The following EDRF1 variants were observed in gnomAD, a reference collection of about 807,000 sequenced individuals.
EDRF1 encodes the protein erythroid differentiation-related factor 1.
A neutral mutation model predicts 148.7 loss-of-function variants in EDRF1; 69 were observed. That is an observed-to-expected ratio of 0.46 (90% CI 0.38 to 0.57). The LOEUF is 0.57. Among genes scored for constraint, EDRF1 ranks in the 20% least tolerant of loss-of-function variants. The pLI, the probability that EDRF1 is intolerant of heterozygous loss-of-function variation, is 0.00. For synonymous variants in EDRF1, 515 were observed against 532.8 expected, an observed-to-expected ratio of 0.97 and a Z score of 0.46; for missense variants, 1,118 against 1,478.7, an observed-to-expected ratio of 0.76 and a Z score of 4.00.
At position 125,745,872 on chromosome 10, in the gene EDRF1, G is replaced by T. The variant is rs558753163; in HGVS notation, c.2756G>T (p.Gly919Val). 11 of 1,614,242 alleles carry T rather than the reference G, an allele frequency of 6.8e-6. No homozygotes were observed. The South Asian group carries it at 1.2e-4, about 18-fold the overall frequency. The change falls in exon 19 of 25, where the codon GGT becomes GTT. Residue 919 changes from glycine to valine, a missense_variant. Around this residue, in one of 3 missense-constraint regions of EDRF1, gnomAD observed 954 missense variants for 1,241.4 expected, o/e 0.77. Transcript: ENST00000356792. ...CGGATTTGTGCGCAGGCCCACTGTG[G>T]TGCAGGGGATGAACTGAAACGTGAA... Reference protein sequence around the residue: ...LMRICAQAHCGAGDELKREFS... With the variant: ...LMRICAQAHCVAGDELKREFS...
chr10:125,763,316 T>A lies in EDRF1; in HGVS notation c.3561T>A (p.Asp1187Glu). ...TKKKTSNNIEDDTILKTNKHI... is the reference protein window; with the variant it reads ...TKKKTSNNIEEDTILKTNKHI... ...TTAACCCTAGCAATAACATCGAAGA[T>A]GACACAATTCTCAAAACCAACAAGC... The change falls in exon 25 of 25, where the codon GAT (aspartate) becomes GAA (glutamate). Residue 1187 changes from aspartate (D) to glutamate (E), a missense_variant. Transcript: ENST00000356792. The surrounding 1 kb of genome is among the most constrained non-coding windows in gnomAD (Gnocchi z 4.3). 6.2e-7 allele frequency: 1 copy of A among 1,613,208 alleles called. No individual in the cohort carries two copies. The highest frequency in any genetic ancestry group is 1.1e-5 in the South Asian group (1 of 91,080).
At chr10:125,742,742 T>C (rs1849096707) in intron 17 of EDRF1, 1 of 985,058 alleles carries the variant, frequency 1.0e-6, no homozygotes, top group African/African-American at 1.7e-5. Flanking sequence ...ATAGCAACTT[T>C]ACTTTGTATT....
At chr10:125,728,320 T>C (rs1411490069) in intron 6 of EDRF1, among the ~76,000 whole-genome samples, 2 of 152,208 alleles carry the variant, frequency 1.3e-5, no homozygotes, top group Non-Finnish European at 2.9e-5. Flanking sequence ...TTACTTATTA[T>C]ATATTTATTG....
chr10:125,743,332 A>G, intron 18 of EDRF1, 56 bp downstream of exon 18: 1 of 1,468,376 alleles, frequency 6.8e-7, no homozygotes, highest in East Asian at 2.3e-5. Context: ...AATTATGCTA[A>G]TTTTGTATGA....
chr10:125,719,843 G>T lies in EDRF1; in HGVS notation c.36G>T (p.Pro12=). 6.2e-7 allele frequency: 1 copy of T among 1,612,002 alleles called. No individual in the cohort carries two copies. Among genetic ancestry groups the T allele is most frequent in the Non-Finnish European group, 8.5e-7 (1 of 1,179,498 alleles). The change falls in exon 1 of 25, where the codon CCG becomes CCT. Residue 12 remains proline (P), a synonymous_variant. Transcript: ENST00000356792. ...CCAAGGAGGCCGGAGCCGAGGGTCCGCCGGCCGGGGCCGCCGCTCGAGGAG... is the reference window on the plus strand; with the variant it reads ...CCAAGGAGGCCGGAGCCGAGGGTCCTCCGGCCGGGGCCGCCGCTCGAGGAG... ...GDAKEAGAEG[P]PAGAAARGGL...
intron 5 of EDRF1, 96 bp from the exon 6 acceptor site, chr10:125,725,586 T>C: frequency 6.4e-7 from 1 of 1,571,514 alleles, no homozygotes; most frequent in Non-Finnish European, 8.7e-7. Context: ...ACAAGATGTA[T>C]GCTTAATTAC....
Position 125,741,169 on chromosome 10 carries a change from T to A in EDRF1, c.2339T>A (p.Leu780Gln). ...CAAACAAAAGAAGACCAGGAGATCC[T>A]GCATAGCCTTCACAGAGAGTCCAGT... is the stretch of plus-strand genomic sequence containing the variant. Reference protein sequence around the residue: ...HYQTKEDQEILHSLHRESSCQ... With the variant: ...HYQTKEDQEIQHSLHRESSCQ... Residue 780 changes from leucine to glutamine, a missense_variant, in exon 17 of 25, where the codon CTG becomes CAG. By Grantham distance (113) the Leu-to-Gln change is moderately radical. This residue lies in a region of EDRF1 where 954 missense variants were observed against 1,241.4 expected (regional missense o/e 0.77). Transcript: ENST00000356792. The A allele has an allele frequency of 1.2e-6, 2 of 1,614,222 alleles. No homozygotes were observed. Among genetic ancestry groups the A allele is most frequent in the Non-Finnish European group, 8.5e-7 (1 of 1,180,028 alleles).
intron 15 of EDRF1, 33 bp from the exon 16 acceptor site, chr10:125,740,430 T>A: frequency 6.2e-7 from 1 of 1,607,904 alleles, no homozygotes. Flanking sequence ...TCAAATGAAA[T>A]GTGCTGTCTT....
intron 1 of EDRF1, among the ~76,000 whole-genome samples, chr10:125,720,672 G>A (rs1477054554): frequency 6.6e-6 from 1 of 151,996 alleles, no homozygotes; most frequent in Admixed American, 6.6e-5. Context: ...TTAGCCGGAC[G>A]TGGTAGTGCA....
chr10:125,738,065 T>C, intron 14 of EDRF1, 76 bp downstream of exon 14: 4 of 1,463,510 alleles, frequency 2.7e-6, no homozygotes, highest in Non-Finnish European at 3.8e-6. Context: ...TTTGTTGGTA[T>C]CTAAATGTTA....
rs1490387108 is a variant in EDRF1 at position 125,736,123 on chromosome 10, GTGTC to G, written c.1758+225_1758+228del. 3.3e-5 allele frequency among the ~76,000 whole-genome samples: 5 copies of G among 152,116 alleles called. No homozygotes were observed. In the East Asian group the frequency reaches 7.7e-4, roughly 23 times the overall value. Reference sequence around the variant, plus strand: ...TATAGTGGACAGGTGTGTAAACCAGGTGTCTGTCTATTCTTATGTGAAGGATTTT... The same window carrying G: ...TATAGTGGACAGGTGTGTAAACCAGGTGTCTATTCTTATGTGAAGGATTTT... On this transcript the variant is annotated intron_variant, in intron 13 of 24. Coordinates refer to ENST00000356792, the MANE Select transcript of EDRF1 (RefSeq NM_001202438.2).
chr10:125,758,420 A>G (rs527639978), intron 24 of EDRF1, among the ~76,000 whole-genome samples: 1 of 152,082 alleles, frequency 6.6e-6, no homozygotes, highest in East Asian at 1.9e-4. Flanking sequence ...AAAACTGGAC[A>G]CCTTATGTAT....
intron 7 of EDRF1, 107 bp downstream of exon 7, chr10:125,729,211 A>C (rs1848392621): frequency 1.4e-6 from 2 of 1,449,212 alleles, no homozygotes; most frequent in Admixed American, 4.0e-5. Context: ...CTTGATCCTG[A>C]AACTGCTTTC....
chr10:125,742,221 C>G, intron 17 of EDRF1: 2 of 1,289,294 alleles, frequency 1.6e-6, no homozygotes, highest in Non-Finnish European at 2.0e-6. Context: ...AATTGTCAGG[C>G]TTTAAAACTG....
At chr10:125,728,882 A>G (rs751101567) in intron 6 of EDRF1, 121 bp from the exon 7 acceptor site, 18 of 785,174 alleles carry the variant, frequency 2.3e-5, no homozygotes, top group Non-Finnish European at 3.2e-5. Flanking sequence ...TATTGGCCTA[A>G]TAATTCACAA....
chr10:125,763,807 T>C lies in EDRF1; in HGVS notation c.*335T>C. ...AAGCTACACGGGTCTAAGATATGAT[T>C]ATTTTGGATAAAATGTTACTTTGGT... On this transcript the variant is annotated 3_prime_UTR_variant, in exon 25 of 25. Transcript: ENST00000356792. This position sits in a 1 kb window ranked among gnomAD's most constrained non-coding sequence, Gnocchi z 4.3. The C allele has an allele frequency of 3.0e-6, 1 of 333,660 alleles. No individual in the cohort carries two copies. Among genetic ancestry groups the C allele is most frequent in the Non-Finnish European group, 5.7e-6 (1 of 176,650 alleles). 20.7% of individuals were successfully genotyped at this position (333,660 alleles called of 1,614,324 possible). A position where few individuals can be genotyped will look rare whatever the true frequency, so the allele number is the denominator to read the frequency against.
chr10:125,742,767 G>A, intron 17 of EDRF1: 2 of 984,822 alleles, frequency 2.0e-6, no homozygotes, highest in Non-Finnish European at 2.4e-6. Context: ...GACAACTTTA[G>A]GTCCATTCTA....
At chr10:125,738,518 T>C (rs1299829615) in intron 15 of EDRF1, 73 bp downstream of exon 15, 8 of 1,574,910 alleles carry the variant, frequency 5.1e-6, no homozygotes, top group African/African-American at 2.7e-5. Flanking sequence ...AGCAGACTTA[T>C]GTCAATTAAG....
At chr10:125,742,908 A>C in intron 17 of EDRF1, 150 bp from the exon 18 acceptor site, 1 of 1,305,518 alleles carries the variant, frequency 7.7e-7, no homozygotes, top group African/African-American at 1.5e-5. Context: ...TTATTATGAA[A>C]CTTAAATATT....
Sources: allele counts gnomAD v4.1 joint callset (sites outside exome capture counted in the v4.1 genomes callset), GRCh38; gene constraint gnomAD v4.1.1; regional missense constraint gnomAD v4.1.1; non-coding constraint Gnocchi (gnomAD v3.1); transcripts MANE v1.5; gene names NCBI Gene and HGNC (gene_info 2026-07-23, HGNC 2026-07-21).